SLC25A42: variants seen among roughly 807,000 people sequenced by gnomAD.
The protein encoded by SLC25A42 is mitochondrial coenzyme A transporter SLC25A42.
In SLC25A42, 19 loss-of-function variants were observed where a neutral mutation model predicts 34.7. That is an observed-to-expected ratio of 0.55 (90% CI 0.38 to 0.80). The LOEUF (loss-of-function observed/expected upper bound fraction) is 0.80. SLC25A42 is among the 30% of genes least tolerant of loss of function. The pLI is 0.00. For missense variants in SLC25A42, 364 were observed against 441.3 expected (o/e 0.82, Z 1.57); for synonymous variants, 205 against 191.2 (o/e 1.07, Z -0.59).
intron 1 of SLC25A42, among the ~76,000 whole-genome samples, chr19:19,080,784 G>A (rs2059677567): frequency 6.6e-6 from 1 of 151,998 alleles, no homozygotes; most frequent in African/African-American, 2.4e-5. Context: ...GCTGGGCTTG[G>A]TGGTACCTAT....
intron 7 of SLC25A42, 122 bp downstream of exon 7, chr19:19,108,167 C>A: frequency 2.7e-6 from 3 of 1,130,948 alleles, no homozygotes; most frequent in Non-Finnish European, 3.6e-6. Flanking sequence ...CTGGGTGGGG[C>A]AGGCTGTAGA....
At chr19:19,085,384 CTTT>C (rs11334289) in intron 1 of SLC25A42, among the ~76,000 whole-genome samples, 30 of 141,624 alleles carry the variant, frequency 2.1e-4, no homozygotes, top group Non-Finnish European at 2.6e-4. Flanking sequence ...CACATTTTTT[CTTT>C]TTTTTTTTTT....
At chr19:19,067,838 A>G (rs749159878) in intron 1 of SLC25A42, among the ~76,000 whole-genome samples, 9 of 151,980 alleles carry the variant, frequency 5.9e-5, no homozygotes, top group Non-Finnish European at 1.0e-4. Flanking sequence ...CCAATTGTCC[A>G]ATTTCTCACC....
intron 1 of SLC25A42, among the ~76,000 whole-genome samples, chr19:19,076,234 G>A (rs1275943518): frequency 3.3e-5 from 5 of 151,954 alleles, no homozygotes; most frequent in Non-Finnish European, 5.9e-5. Context: ...AGGCTGAGGC[G>A]GGTGGATACC....
intron 2 of SLC25A42, among the ~76,000 whole-genome samples, chr19:19,101,194 C>T (rs530620221): frequency 7.2e-5 from 11 of 152,250 alleles, no homozygotes; most frequent in Admixed American, 3.9e-4. Flanking sequence ...CTGCAGAAAG[C>T]GATGGCTCTC....
intron 1 of SLC25A42, among the ~76,000 whole-genome samples, chr19:19,070,445 G>A (rs541629307): frequency 3.3e-5 from 5 of 151,850 alleles, no homozygotes; most frequent in East Asian, 3.9e-4. Flanking sequence ...TTACAGGTGC[G>A]CACCACCGCA....
chr19:19,103,784 T>C (rs1000237873), intron 3 of SLC25A42, among the ~76,000 whole-genome samples: 2 of 152,222 alleles, frequency 1.3e-5, no homozygotes, highest in African/African-American at 4.8e-5. Flanking sequence ...ACCCTCTCTG[T>C]GTCCCAGTTT....
chr19:19,102,384 C>G (rs2059802698), intron 3 of SLC25A42, among the ~76,000 whole-genome samples: 1 of 152,058 alleles, frequency 6.6e-6, no homozygotes. Context: ...CCTAAGCCTC[C>G]CAAGTAGCTG....
chr19:19,096,255 C>A, intron 2 of SLC25A42, 50 bp downstream of exon 2: 2 of 1,250,472 alleles, frequency 1.6e-6, no homozygotes, highest in South Asian at 2.5e-5. Context: ...GCCCCAGCCT[C>A]CCCACCCCCC....
intron 1 of SLC25A42, among the ~76,000 whole-genome samples, chr19:19,094,594 G>A (rs1709561947): frequency 1.3e-5 from 2 of 152,170 alleles, no homozygotes; most frequent in South Asian, 4.1e-4. Context: ...ATGGGTCCAT[G>A]TTCACTAGGA....
chr19:19,089,684 A>G (rs2059727686), intron 1 of SLC25A42, among the ~76,000 whole-genome samples: 2 of 152,020 alleles, frequency 1.3e-5, no homozygotes, highest in African/African-American at 4.8e-5. Flanking sequence ...CCTGCCCAAC[A>G]TGGTGAAACC....
At chr19:19,068,597 G>A (rs1358514750) in intron 1 of SLC25A42, among the ~76,000 whole-genome samples, 2 of 152,122 alleles carry the variant, frequency 1.3e-5, no homozygotes, top group Non-Finnish European at 2.9e-5. Flanking sequence ...AAACCCGGGA[G>A]GCGGAGGTTG....
intron 5 of SLC25A42, 127 bp from the exon 6 acceptor site, chr19:19,106,142 G>A (rs1039494761): frequency 1.2e-5 from 9 of 774,362 alleles, no homozygotes; most frequent in African/African-American, 7.0e-5. Flanking sequence ...AGCCAAACCC[G>A]CCTCGTGTTC....
intron 1 of SLC25A42, among the ~76,000 whole-genome samples, chr19:19,066,321 G>C (rs767480958): frequency 6.6e-6 from 1 of 152,196 alleles, no homozygotes; most frequent in African/African-American, 2.4e-5. Flanking sequence ...TGGCAGAAAG[G>C]GGTCGGGGGA....
chr19:19,069,435 G>A (rs1477671732), intron 1 of SLC25A42, among the ~76,000 whole-genome samples: 5 of 152,174 alleles, frequency 3.3e-5, no homozygotes, highest in African/African-American at 1.2e-4. Flanking sequence ...AAACTGGGGG[G>A]CTTCAGACAA....
At chr19:19,101,531 A>G (rs2145920270) in intron 2 of SLC25A42, among the ~76,000 whole-genome samples, 1 of 152,242 alleles carries the variant, frequency 6.6e-6, no homozygotes, top group African/African-American at 2.4e-5. Context: ...TGAGAATGTG[A>G]AACCTGCACA....
rs2059872349 is a variant in SLC25A42 at position 19,112,660 on chromosome 19, G to A, written c.*1784G>A. The stretch of plus-strand genomic sequence containing the variant: ...GCTGACCCCAGTGTGTCTCCCCGGA[G>A]ATGGCTCCTAGCTGAGTGGGACCCG... On this transcript the variant is annotated 3_prime_UTR_variant, in exon 8 of 8. Transcript: ENST00000318596. The surrounding 1 kb of genome is among the most constrained non-coding windows in gnomAD (Gnocchi z 4.3). 1 of 152,782 alleles carries A rather than the reference G, an allele frequency of 6.5e-6. No homozygotes were observed. Among genetic ancestry groups the A allele is most frequent in the Admixed American group, 6.5e-5 (1 of 15,278 alleles). 9.5% of individuals were successfully genotyped at this position (152,782 alleles called of 1,614,324 possible).
At position 19,107,995 on chromosome 19, in the gene SLC25A42, A is replaced by G; in HGVS notation, c.599A>G (p.Tyr200Cys). The G allele has an allele frequency of 6.2e-7, 1 of 1,611,272 alleles. No individual in the cohort carries two copies. Among genetic ancestry groups the G allele is most frequent in the Non-Finnish European group, 8.5e-7 (1 of 1,178,374 alleles). The change falls in exon 7 of 8, where the codon TAC becomes TGC. Residue 200 changes from tyrosine to cysteine, a missense_variant. Physicochemically the swap from Tyr to Cys is radical, Grantham distance 194. Transcript: ENST00000318596. The part of the protein sequence containing the change: ...FMPTVLGVIP[Y>C]AGLSFFTYET... Reference sequence around the variant, plus strand: ...CCCACCGTGCTGGGGGTCATTCCCTACGCTGGCCTGAGCTTCTTCACCTAT... The same window carrying G: ...CCCACCGTGCTGGGGGTCATTCCCTGCGCTGGCCTGAGCTTCTTCACCTAT...
chr19:19,105,753 A>G, intron 5 of SLC25A42, 26 bp downstream of exon 5: 1 of 1,498,566 alleles, frequency 6.7e-7, no homozygotes, highest in Non-Finnish European at 9.0e-7. Flanking sequence ...GCCCTGCCAC[A>G]GAATCGCCCC....
Sources: gnomAD v4.1 joint callset for allele counts (sites outside exome capture counted in the v4.1 genomes callset) on GRCh38, gnomAD v4.1.1 for gene constraint, Gnocchi (gnomAD v3.1) non-coding constraint, MANE v1.5 for transcripts, NCBI Gene and HGNC (gene_info 2026-07-23, HGNC 2026-07-21) for gene names.